MAT2A: variants seen among roughly 807,000 people sequenced by gnomAD.
MAT2A encodes S-adenosylmethionine synthase isoform type-2.
In MAT2A, 3 loss-of-function variants were observed where a neutral mutation model predicts 43.9. The ratio of observed to expected loss-of-function variants is 0.07; its 90% CI spans 0.03 to 0.18. The LOEUF (loss-of-function observed/expected upper bound fraction) is 0.18, where lower values mean the gene tolerates loss of function less well. Among genes scored for constraint, MAT2A ranks in the 10% least tolerant of loss-of-function variants. The pLI is 1.00. For synonymous variants in MAT2A, 200 were observed against 168.4 expected (o/e 1.19, Z -1.45); for missense variants, 204 against 489.0 (o/e 0.42, Z 5.50).
chr2:85,545,268 G>C lies in MAT2A; in HGVS notation c.*1496G>C, dbSNP rs1252467856. 1 of 152,602 alleles carries C rather than the reference G, an allele frequency of 6.6e-6. No homozygotes were observed. Among genetic ancestry groups the C allele is most frequent in the Non-Finnish European group, 1.5e-5 (1 of 68,034 alleles). The allele number at this position is 152,602 out of a possible 1,614,324, so 9.5% of individuals were successfully genotyped here. A position where few individuals can be genotyped will look rare whatever the true frequency, so the allele number is the denominator to read the frequency against. On this transcript the variant is annotated 3_prime_UTR_variant, in exon 9 of 9. Coordinates refer to ENST00000306434, the MANE Select transcript of MAT2A (RefSeq NM_005911.6). ...TAATGAAGATCTAAATAAAATGCTA[G>C]GTTCTACCTTAACTGTGTCTGTTAC...
intron 6 of MAT2A, 54 bp downstream of exon 6, chr2:85,542,427 G>A: frequency 6.3e-7 from 1 of 1,577,446 alleles, no homozygotes; most frequent in Non-Finnish European, 8.7e-7. Context: ...TTAAAATTTT[G>A]GCTACTACAT....
At chr2:85,541,435 A>C (rs1691474121) in intron 3 of MAT2A, 58 bp downstream of exon 3, 1 of 1,583,138 alleles carries the variant, frequency 6.3e-7, no homozygotes, top group Admixed American at 1.8e-5. Context: ...GGTTTGAAGA[A>C]ACTCCTAGAA....
rs1332821220 is a variant in MAT2A at position 85,545,144 on chromosome 2, CA to C, written c.*1373del. 2 of 152,596 alleles carry C rather than the reference CA, an allele frequency of 1.3e-5. No homozygotes were observed. The highest frequency in any genetic ancestry group is 1.3e-4 in the Admixed American group (2 of 15,280). The allele number at this position is 152,596 out of a possible 1,614,324, so 9.5% of individuals were successfully genotyped here. A position where few individuals can be genotyped will look rare whatever the true frequency, so the allele number is the denominator to read the frequency against. Reference sequence around the variant, plus strand: ...TGGTACAGAGAAGCCAGCTTGTTTACATGCTTATTCCATGACTGCTTGCCCT... The same window carrying C: ...TGGTACAGAGAAGCCAGCTTGTTTACTGCTTATTCCATGACTGCTTGCCCT... On this transcript the variant is annotated 3_prime_UTR_variant, in exon 9 of 9. Coordinates refer to ENST00000306434, the MANE Select transcript of MAT2A (RefSeq NM_005911.6).
chr2:85,542,219 T>C lies in MAT2A; in HGVS notation c.614T>C (p.Ile205Thr), dbSNP rs555524579. ...VLPIRVHTIV[I>T]SVQHDEEVCL... is the part of the protein sequence containing the mutation. ...CCCATCAGAGTCCACACAATTGTTATATCTGTTCAGCATGATGAAGAGGTT... is the reference window on the plus strand; with the variant it reads ...CCCATCAGAGTCCACACAATTGTTACATCTGTTCAGCATGATGAAGAGGTT... The change falls in exon 6 of 9, where the codon ATA (isoleucine) becomes ACA (threonine). Residue 205 changes from isoleucine (I) to threonine (T), a missense_variant. Physicochemically the swap from Ile to Thr is moderately conservative, Grantham distance 89. This residue lies in a region of MAT2A where 103 missense variants were observed against 226.4 expected (regional missense o/e 0.45). Coordinates refer to ENST00000306434, the MANE Select transcript of MAT2A (RefSeq NM_005911.6). The C allele has an allele frequency of 2.5e-6, 4 of 1,614,194 alleles. No homozygotes were observed. The highest frequency in any genetic ancestry group is 1.1e-5 in the South Asian group (1 of 91,082).
At chr2:85,543,150 T>A (rs867955485) in intron 8 of MAT2A, 116 bp downstream of exon 8, 50 of 1,190,582 alleles carry the variant, frequency 4.2e-5, no homozygotes, top group African/African-American at 1.2e-4. Flanking sequence ...GGGAATATAT[T>A]TTAATTCCTG....
In MAT2A at chr2:85,542,763, A is replaced by G. The variant is rs1173188878; in HGVS notation, c.951+16A>G. ...TCTTGTTCAGGTATACACTCTTTATATAACGAACGATTAAAAGTCATGTAA... is the reference window on the plus strand; with the variant it reads ...TCTTGTTCAGGTATACACTCTTTATGTAACGAACGATTAAAAGTCATGTAA... On this transcript the variant is annotated intron_variant, in intron 7 of 8. Coordinates refer to ENST00000306434, the MANE Select transcript of MAT2A (RefSeq NM_005911.6). The G allele has an allele frequency of 5.0e-6, 8 of 1,589,870 alleles. No homozygotes were observed. Among genetic ancestry groups the G allele is most frequent in the Non-Finnish European group, 6.9e-6 (8 of 1,163,844 alleles).
At chr2:85,543,424 A>C in intron 8 of MAT2A, 1 of 449,724 alleles carries the variant, frequency 2.2e-6, no homozygotes, top group Non-Finnish European at 4.0e-6. Context: ...TTGACAATTG[A>C]AATTTCTCAG....
chr2:85,542,757 C>T lies in MAT2A; in HGVS notation c.951+10C>T. The T allele has an allele frequency of 1.3e-6, 2 of 1,591,974 alleles. No individual in the cohort carries two copies. The highest frequency in any genetic ancestry group is 1.7e-6 in the Non-Finnish European group (2 of 1,165,474). ...GAGGGTTCTTGTTCAGGTATACACTCTTTATATAACGAACGATTAAAAGTC... is the reference window on the plus strand; with the variant it reads ...GAGGGTTCTTGTTCAGGTATACACTTTTTATATAACGAACGATTAAAAGTC... On this transcript the variant is annotated intron_variant, in intron 7 of 8. Transcript: ENST00000306434.
At chr2:85,540,317 G>T (rs1244556984) in intron 1 of MAT2A, among the ~76,000 whole-genome samples, 1 of 152,116 alleles carries the variant, frequency 6.6e-6, no homozygotes. Context: ...TATCTATCTG[G>T]TGGCTTTAGG....
Position 85,543,883 on chromosome 2 carries a change from G to C in MAT2A, c.*111G>C, listed in dbSNP as rs148739699. 4 of 642,274 alleles carry C rather than the reference G, an allele frequency of 6.2e-6. No homozygotes were observed. Among genetic ancestry groups the C allele is most frequent in the Non-Finnish European group, 1.1e-5 (4 of 365,496 alleles). The allele number at this position is 642,274 out of a possible 1,614,324, so 39.8% of individuals were successfully genotyped here. A position where few individuals can be genotyped will look rare whatever the true frequency, so the allele number is the denominator to read the frequency against. On this transcript the variant is annotated 3_prime_UTR_variant, in exon 9 of 9. Coordinates refer to ENST00000306434, the MANE Select transcript of MAT2A (RefSeq NM_005911.6). ...ATTTTCCTGTCCTCTTTCAGCTCCT[G>C]ACCAGTTGCAGTCACTCTAGTCAAT...
At chr2:85,542,034 T>G in intron 5 of MAT2A, 62 bp downstream of exon 5, 1 of 1,596,632 alleles carries the variant, frequency 6.3e-7, no homozygotes, top group Admixed American at 1.7e-5. Context: ...AGATCCATAA[T>G]TTTGATAATA....
rs189517246 is a variant in MAT2A, at chr2:85,540,804, A to G, written c.92-279A>G. Among the ~76,000 whole-genome samples the G allele has an allele frequency of 8.3e-4, 127 of 152,326 alleles. 1 individual carries two copies. The highest frequency in any genetic ancestry group is 1.3e-3 in the East Asian group (7 of 5,194). On this transcript the variant is annotated intron_variant, in intron 1 of 8. Transcript: ENST00000306434. ...TCAGTTCTACCAGACTCCCAGGTGCAGAGGGGTTTGGTACAGTTGTGGAAG... is the reference window on the plus strand; with the variant it reads ...TCAGTTCTACCAGACTCCCAGGTGCGGAGGGGTTTGGTACAGTTGTGGAAG...
At chr2:85,543,356 A>G (rs1369732678) in intron 8 of MAT2A, 2 of 421,814 alleles carry the variant, frequency 4.7e-6, no homozygotes, top group Admixed American at 4.0e-5. Flanking sequence ...TGTAAAAACC[A>G]TGGTAGGGTG....
chr2:85,539,717 C>G (rs191409747), intron 1 of MAT2A: 3,063 of 178,248 alleles, frequency 0.017, 41 homozygotes, highest in Admixed American at 0.023. Flanking sequence ...CCCCTCCCGG[C>G]CCTGCCGTCT....
chr2:85,540,645 A>G (rs1002247010), intron 1 of MAT2A, among the ~76,000 whole-genome samples: 2 of 152,158 alleles, frequency 1.3e-5, no homozygotes, highest in Non-Finnish European at 1.5e-5. Context: ...TTCCTGCGCA[A>G]CTCCTAACAG....
At chr2:85,541,598 G>C (rs1691478922) in intron 3 of MAT2A, 35 bp from the exon 4 acceptor site, 1 of 1,500,746 alleles carries the variant, frequency 6.7e-7, no homozygotes, top group Non-Finnish European at 9.1e-7. Flanking sequence ...GGTATTTCTA[G>C]GACGTAAACA....
chr2:85,539,238 C>G lies in MAT2A; in HGVS notation c.-50C>G. On this transcript the variant is annotated 5_prime_UTR_variant, in exon 1 of 9. Transcript: ENST00000306434. ...AGCTTGCGCATTTCGCAGCCGCTGCCGCCTCGCCGCTGCTCCTTCGTAAGG... is the reference window on the plus strand; with the variant it reads ...AGCTTGCGCATTTCGCAGCCGCTGCGGCCTCGCCGCTGCTCCTTCGTAAGG... The G allele has an allele frequency of 7.4e-7, 1 of 1,356,100 alleles. No homozygotes were observed. The highest frequency in any genetic ancestry group is 1.9e-5 in the Admixed American group (1 of 52,546). 84.0% of individuals were successfully genotyped at this position (1,356,100 alleles called of 1,614,324 possible). A position where few individuals can be genotyped will look rare whatever the true frequency, so the allele number is the denominator to read the frequency against.
At chr2:85,541,219 G>C (rs748851841) in intron 2 of MAT2A, 36 bp from the exon 3 acceptor site, 2 of 1,612,536 alleles carry the variant, frequency 1.2e-6, no homozygotes, top group Admixed American at 3.3e-5. Flanking sequence ...TATTTTTATA[G>C]AAGTGATGTT....
At position 85,542,389 on chromosome 2, in the gene MAT2A, T is replaced by A; in HGVS notation, c.768+16T>A. 3 of 1,608,372 alleles carry A rather than the reference T, an allele frequency of 1.9e-6. No individual in the cohort carries two copies. The highest frequency in any genetic ancestry group is 1.7e-5 in the Admixed American group (1 of 59,712). ...TGGGCCTCAGGTAATGTCATTTTGT[T>A]GCATTTTTCTGGATTTTTGATGGTT... On this transcript the variant is annotated intron_variant, in intron 6 of 8. Coordinates refer to ENST00000306434, the MANE Select transcript of MAT2A (RefSeq NM_005911.6).
Sources: allele counts gnomAD v4.1 joint callset (sites outside exome capture counted in the v4.1 genomes callset), GRCh38; gene constraint gnomAD v4.1.1; regional missense constraint gnomAD v4.1.1; transcripts MANE v1.5; gene names NCBI Gene and HGNC (gene_info 2026-07-23, HGNC 2026-07-21).